PIK3CB: variants seen among roughly 807,000 people sequenced by gnomAD.
PIK3CB encodes phosphatidylinositol-4,5-bisphosphate 3-kinase catalytic subunit beta.
In PIK3CB, 39 loss-of-function variants were observed where a neutral mutation model predicts 136.8. That is an observed-to-expected ratio of 0.29 (90% confidence interval 0.22 to 0.37). The LOEUF is 0.37. Among genes scored for constraint, PIK3CB ranks in the 10% least tolerant of loss-of-function variants. PIK3CB has a pLI of 1.00. For synonymous variants in PIK3CB, 428 were observed against 436.6 expected (o/e 0.98, Z 0.25); for missense variants, 868 against 1,275.4 (o/e 0.68, Z 4.87).
At chr3:138,757,043 AC>A (rs1459790180) in intron 3 of PIK3CB, among the ~76,000 whole-genome samples, 7 of 152,178 alleles carry the variant, frequency 4.6e-5, no homozygotes, top group Non-Finnish European at 7.4e-5. Flanking sequence ...TCTCCAAAAA[AC>A]ATACAAATGA....
At chr3:138,785,362 G>A (rs1411018266) in intron 2 of PIK3CB, among the ~76,000 whole-genome samples, 1 of 152,212 alleles carries the variant, frequency 6.6e-6, no homozygotes, top group East Asian at 1.9e-4. Flanking sequence ...GACGATGGCA[G>A]TTTTGTCGAA....
intron 4 of PIK3CB, among the ~76,000 whole-genome samples, chr3:138,749,746 G>A (rs527535749): frequency 2.0e-5 from 3 of 152,262 alleles, no homozygotes; most frequent in South Asian, 2.1e-4. Flanking sequence ...CTCAGTGTAG[G>A]TATACATCTT....
intron 19 of PIK3CB, among the ~76,000 whole-genome samples, chr3:138,677,360 A>G (rs1156451827): frequency 6.6e-6 from 1 of 152,102 alleles, no homozygotes; most frequent in African/African-American, 2.4e-5. Context: ...GCCCAGCCTT[A>G]CTCAAGATTG....
At position 138,789,373 on chromosome 3, in the gene PIK3CB, C is replaced by T. The variant is rs539917322; in HGVS notation, c.-17+7090G>A. Among the ~76,000 whole-genome samples the T allele has an allele frequency of 6.3e-4, 96 of 152,242 alleles. 1 individual carries two copies. The highest frequency in any genetic ancestry group is 1.1e-3 in the Non-Finnish European group (74 of 68,020). On this transcript the variant is annotated intron_variant, in intron 2 of 23. Transcript: ENST00000674063. ...ACTCAGGAGGCTGAGGTGGGAGGAT[C>T]ACTTGAGCACAGGAGGTGGAGGTTG...
rs554518682 is a variant in PIK3CB, at chr3:138,722,764, A to G, written c.1051-8045T>C. Among the ~76,000 whole-genome samples, 7 of 152,094 alleles carry G rather than the reference A, an allele frequency of 4.6e-5. No homozygotes were observed. In the East Asian group the frequency reaches 1.2e-3, roughly 25 times the overall value. On this transcript the variant is annotated intron_variant, in intron 8 of 23. Transcript: ENST00000674063. ...AAAGTCCCGTACCATCTGTGTGAAC[A>G]GCCACAACAAAAAATGTGATCTTGA... is the stretch of plus-strand genomic sequence containing the variant.
intron 20 of PIK3CB, among the ~76,000 whole-genome samples, chr3:138,664,267 T>C (rs2043360672): frequency 1.3e-5 from 2 of 151,956 alleles, no homozygotes; most frequent in Non-Finnish European, 2.9e-5. Flanking sequence ...TCAAACGTCC[T>C]GGGAGCTGTG....
intron 21 of PIK3CB, among the ~76,000 whole-genome samples, chr3:138,660,244 T>C (rs1418568085): frequency 6.6e-6 from 1 of 152,190 alleles, no homozygotes; most frequent in East Asian, 1.9e-4. Context: ...CATTAGATTA[T>C]ATATAAAGCA....
chr3:138,758,498 T>C (rs1021958355), intron 3 of PIK3CB, among the ~76,000 whole-genome samples: 1 of 152,250 alleles, frequency 6.6e-6, no homozygotes, highest in African/African-American at 2.4e-5. Context: ...TGCATGAGCG[T>C]ATGAGATGCT....
chr3:138,788,976 A>AC (rs2046016088), intron 2 of PIK3CB, among the ~76,000 whole-genome samples: 1 of 141,070 alleles, frequency 7.1e-6, no homozygotes, highest in Non-Finnish European at 1.5e-5. Flanking sequence ...AAAAAAAAAA[A>AC]AAAAAAAAAA....
intron 1 of PIK3CB, chr3:138,825,819 A>C: frequency 9.2e-7 from 1 of 1,081,212 alleles, no homozygotes; most frequent in Admixed American, 2.0e-5. Context: ...CAGTCTGTTG[A>C]AATGCACCAT....
chr3:138,733,243 A>G, intron 8 of PIK3CB, 118 bp downstream of exon 8: 1 of 483,758 alleles, frequency 2.1e-6, no homozygotes, highest in Admixed American at 3.9e-5. Context: ...CATATTCTAT[A>G]TCATGTAATT....
At chr3:138,741,505 G>C (rs974214869) in intron 5 of PIK3CB, among the ~76,000 whole-genome samples, 1 of 152,140 alleles carries the variant, frequency 6.6e-6, no homozygotes, top group Non-Finnish European at 1.5e-5. Flanking sequence ...CATTGCTATG[G>C]TTATTCACAG....
intron 1 of PIK3CB, among the ~76,000 whole-genome samples, chr3:138,826,730 G>A (rs1933802539): frequency 6.6e-6 from 1 of 151,956 alleles, no homozygotes; most frequent in South Asian, 2.1e-4. Flanking sequence ...ACACACGTGT[G>A]CAATGGGAGG....
chr3:138,680,477 A>C (rs766320089), intron 19 of PIK3CB, among the ~76,000 whole-genome samples: 1 of 152,152 alleles, frequency 6.6e-6, no homozygotes, highest in Non-Finnish European at 1.5e-5. Flanking sequence ...GAACTGGACT[A>C]TATCTTTGTG....
intron 19 of PIK3CB, among the ~76,000 whole-genome samples, chr3:138,679,440 C>G (rs1338474564): frequency 1.3e-5 from 2 of 152,004 alleles, no homozygotes; most frequent in Non-Finnish European, 2.9e-5. Flanking sequence ...GGATTACAAG[C>G]AAGAGCCACT....
rs1246723016 is a variant in PIK3CB, at chr3:138,759,284, C to G, written c.60G>C (p.Val20=). The change falls in exon 3 of 24, where the codon GTG becomes GTC. Residue 20 remains valine, a synonymous_variant. Transcript: ENST00000674063. ...AGCCATCAGATGCTATCTGTGAATC[C>G]ACCGCCCAGATGTCAAGGATGTCTG... ...AMADILDIWA[V]DSQIASDGSI... 6.2e-7 allele frequency: 1 copy of G among 1,612,772 alleles called. No homozygotes were observed. The highest frequency in any genetic ancestry group is 1.3e-5 in the African/African-American group (1 of 75,002).
Position 138,684,623 on chromosome 3 carries a change from A to C in PIK3CB, c.2315+2T>G. On this transcript the variant is annotated splice_donor_variant, in intron 17 of 23. Transcript: ENST00000674063. LOFTEE classifies it high-confidence loss of function. ...TTCACTGCGCAAAGCACAGTCACTT[A>C]CTAGAGTTCTGAGAGGATAACACAT... is the stretch of plus-strand genomic sequence containing the variant. The C allele has an allele frequency of 6.3e-7, 1 of 1,593,514 alleles. No individual in the cohort carries two copies. The highest frequency in any genetic ancestry group is 8.5e-7 in the Non-Finnish European group (1 of 1,170,830).
At chr3:138,687,934 A>G (rs2043928150) in intron 16 of PIK3CB, among the ~76,000 whole-genome samples, 1 of 152,178 alleles carries the variant, frequency 6.6e-6, no homozygotes, top group South Asian at 2.1e-4. Flanking sequence ...GATGTGAGAT[A>G]TATTTCAGGG....
At chr3:138,719,391 G>A (rs952935250) in intron 8 of PIK3CB, among the ~76,000 whole-genome samples, 1 of 151,602 alleles carries the variant, frequency 6.6e-6, no homozygotes, top group African/African-American at 2.4e-5. Context: ...GATTACAGGT[G>A]CGCACCACCA....
Sources: gnomAD v4.1 joint callset for allele counts (sites outside exome capture counted in the v4.1 genomes callset) on GRCh38, gnomAD v4.1.1 for gene constraint, MANE v1.5 for transcripts, NCBI Gene and HGNC (gene_info 2026-07-23, HGNC 2026-07-21) for gene names.